Variants in RB1 observed in about 807,000 individuals in gnomAD.
The protein encoded by RB1 is RB transcriptional corepressor 1, also known as retinoblastoma-associated protein.
In RB1, 18 loss-of-function variants were observed where a neutral mutation model predicts 135.4. That is an observed-to-expected ratio of 0.13 (90% CI 0.09 to 0.20). The LOEUF is 0.20. Ranked by LOEUF, RB1 falls within the 10% of genes least tolerant of loss-of-function variation. RB1 has a pLI of 1.00. For synonymous variants in RB1, 365 were observed against 373.2 expected, an observed-to-expected ratio of 0.98 and a Z score of 0.25; for missense variants, 868 against 1,110.0, an observed-to-expected ratio of 0.78 and a Z score of 3.10.
intron 17 of RB1, among the ~76,000 whole-genome samples, chr13:48,402,327 A>G (rs921508686): frequency 6.6e-6 from 1 of 150,648 alleles, no homozygotes; most frequent in Non-Finnish European, 1.5e-5. Flanking sequence ...AATGAAGAAC[A>G]AATGGCCTGG....
intron 21 of RB1, among the ~76,000 whole-genome samples, chr13:48,464,580 C>T (rs1232727310): frequency 7.2e-5 from 11 of 152,188 alleles, no homozygotes; most frequent in African/African-American, 2.2e-4. Flanking sequence ...GGGGGGATAC[C>T]GGGAGGTACA....
In RB1 at chr13:48,345,133, A is replaced by G; in HGVS notation, c.434A>G (p.Asp145Gly). The G allele has an allele frequency of 6.2e-7, 1 of 1,612,986 alleles. No individual in the cohort carries two copies. Among genetic ancestry groups the G allele is most frequent in the Non-Finnish European group, 8.5e-7 (1 of 1,179,552 alleles). The change falls in exon 4 of 27, where the codon GAT (aspartate) becomes GGT (glycine). Residue 145 changes from aspartate (D) to glycine (G), a missense_variant. By Grantham distance (94) the Asp-to-Gly change is moderately conservative. Around this residue, in one of 3 missense-constraint regions of RB1, gnomAD observed 641 missense variants for 791.3 expected, o/e 0.81. Transcript: ENST00000267163. ...GAAATTGATACCAGTACCAAAGTTG[A>G]TAATGCTATGTCAAGACTGTTGAAG... is the stretch of plus-strand genomic sequence containing the variant. ...LKEIDTSTKV[D>G]NAMSRLLKKY... is the part of the protein sequence containing the mutation.
intron 6 of RB1, among the ~76,000 whole-genome samples, chr13:48,359,513 C>T (rs1019408962): frequency 2.0e-5 from 3 of 146,548 alleles, no homozygotes; most frequent in East Asian, 4.0e-4. Flanking sequence ...TTCTAATAAA[C>T]TTAGTAATTT....
intron 6 of RB1, among the ~76,000 whole-genome samples, chr13:48,356,184 T>C (rs756052290): frequency 1.1e-4 from 17 of 152,060 alleles, no homozygotes; most frequent in Non-Finnish European, 2.4e-4. Flanking sequence ...CGTAAATATA[T>C]GTACTATGTA....
chr13:48,402,911 TAA>T (rs1334860034), intron 17 of RB1, among the ~76,000 whole-genome samples: 1 of 152,152 alleles, frequency 6.6e-6, no homozygotes, highest in Non-Finnish European at 1.5e-5. Flanking sequence ...TTTTTAGTGC[TAA>T]GTCTTAAGTA....
intron 17 of RB1, among the ~76,000 whole-genome samples, chr13:48,417,644 G>A: frequency 6.6e-6 from 1 of 152,110 alleles, no homozygotes; most frequent in East Asian, 1.9e-4. Flanking sequence ...TTGAAAAAAG[G>A]TTAGAGGAAT....
At chr13:48,438,553 T>C (rs549276069) in intron 17 of RB1, among the ~76,000 whole-genome samples, 8 of 152,068 alleles carry the variant, frequency 5.3e-5, no homozygotes, top group Non-Finnish European at 8.8e-5. Flanking sequence ...TATTTACTTA[T>C]CTGTTTTTTT....
rs1375409287 is a variant in RB1 at position 48,459,975 on chromosome 13, C to T, written c.2106+142C>T. The stretch of plus-strand genomic sequence containing the variant: ...TTTTTCTTTCTTTCTTTCTCTCTTT[C>T]TTTCTTTTTTTTGAGATAGAGTCTC... On this transcript the variant is annotated intron_variant, in intron 20 of 26. Transcript: ENST00000267163. The T allele has an allele frequency of 5.0e-5, 14 of 280,140 alleles. 1 individual carries two copies. The highest frequency in any genetic ancestry group is 3.8e-4 in the African/African-American group (5 of 13,286). The allele number at this position is 280,140 out of a possible 1,614,324, so 17.4% of individuals were successfully genotyped here.
At chr13:48,404,517 A>G (rs893187280) in intron 17 of RB1, among the ~76,000 whole-genome samples, 23 of 152,020 alleles carry the variant, frequency 1.5e-4, no homozygotes, top group Admixed American at 1.5e-3. Flanking sequence ...AGCATGATGA[A>G]TGAATGTGGA....
intron 20 of RB1, 37 bp downstream of exon 20, chr13:48,459,870 A>G: frequency 6.6e-7 from 1 of 1,508,224 alleles, no homozygotes. Flanking sequence ...TCTCCTCCCT[A>G]CTTACTTGTT....
At position 48,380,237 on chromosome 13, in the gene RB1, T is replaced by C. The variant is rs768929728; in HGVS notation, c.1494T>C (p.Tyr498=). 3.8e-6 allele frequency: 6 copies of C among 1,590,214 alleles called. No homozygotes were observed. The East Asian group carries it at 6.7e-5, about 18-fold the overall frequency. Residue 498 remains tyrosine, a synonymous_variant, in exon 16 of 27, where the codon TAT becomes TAC. Coordinates refer to ENST00000267163, the MANE Select transcript of RB1 (RefSeq NM_000321.3). ...ACALEVVMAT[Y]SRSTSQNLDS... ...CTCTTGAGGTTGTAATGGCCACATA[T>C]AGCAGTAAGTTAAATTTTCATAAAT...
At chr13:48,451,530 A>G (rs2138325171) in intron 17 of RB1, among the ~76,000 whole-genome samples, 1 of 152,132 alleles carries the variant, frequency 6.6e-6, no homozygotes, top group Middle Eastern at 3.4e-3. Context: ...CCAGTATTTT[A>G]TTGTGGATTT....
Position 48,379,595 on chromosome 13 carries a change from G to A in RB1, c.1334G>A (p.Arg445Gln), listed in dbSNP as rs747509282. ...ATTTTTCTTTTTGTTTGTTTGTAGC[G>A]ATACAAACTTGGAGTTCGCTTGTAT... is the stretch of plus-strand genomic sequence containing the variant. ...GQGCVEIGSQRYKLGVRLYYR... is the reference protein window; with the variant it reads ...GQGCVEIGSQQYKLGVRLYYR... The change falls in exon 14 of 27, where the codon CGA becomes CAA. Residue 445 changes from arginine (R) to glutamine (Q), a missense_variant and splice_region_variant. This residue lies in a region of RB1 where 641 missense variants were observed against 791.3 expected (regional missense o/e 0.81). Transcript: ENST00000267163. The A allele has an allele frequency of 1.9e-6, 3 of 1,611,826 alleles. No individual in the cohort carries two copies. Among genetic ancestry groups the A allele is most frequent in the Non-Finnish European group, 2.5e-6 (3 of 1,179,408 alleles).
chr13:48,457,115 GGA>G (rs1324483985), intron 19 of RB1, among the ~76,000 whole-genome samples: 3 of 152,196 alleles, frequency 2.0e-5, no homozygotes, highest in Non-Finnish European at 4.4e-5. Flanking sequence ...ACAGACAAGT[GGA>G]GGGTGAGCAA....
chr13:48,363,400 T>TA lies in RB1; in HGVS notation c.861+450dup, dbSNP rs3834502. 3.3e-3 allele frequency among the ~76,000 whole-genome samples: 506 copies of TA among 151,920 alleles called. 7 individuals carry two copies. The highest frequency in any genetic ancestry group is 0.029 in the Admixed American group (446 of 15,250). Reference sequence around the variant, plus strand: ...ACTCTGTCTCTACAAAATACATATTTAAAAAAATGAACTGGGCATGGTGGC... The same window carrying TA: ...ACTCTGTCTCTACAAAATACATATTTAAAAAAAATGAACTGGGCATGGTGGC... On this transcript the variant is annotated intron_variant, in intron 8 of 26. Coordinates refer to ENST00000267163, the MANE Select transcript of RB1 (RefSeq NM_000321.3).
chr13:48,342,698 A>G lies in RB1; in HGVS notation c.364A>G (p.Lys122Glu), dbSNP rs1301539544. 1.2e-6 allele frequency: 2 copies of G among 1,600,748 alleles called. No homozygotes were observed. Among genetic ancestry groups the G allele is most frequent in the South Asian group, 1.1e-5 (1 of 90,774 alleles). Residue 122 changes from lysine (K) to glutamate (E), a missense_variant, in exon 3 of 27, where the codon AAA becomes GAA. Physicochemically the swap from Lys to Glu is moderately conservative, Grantham distance 56. Around this residue, in one of 3 missense-constraint regions of RB1, gnomAD observed 641 missense variants for 791.3 expected, o/e 0.81. Coordinates refer to ENST00000267163, the MANE Select transcript of RB1 (RefSeq NM_000321.3). ...EMSFTFTELQ[K>E]NIEISVHKFF... ...GTCGTTCACTTTTACTGAGCTACAG[A>G]AAAACATAGAAATCAGGTAAAGTTT...
chr13:48,320,077 C>T, intron 2 of RB1: 1 of 608,552 alleles, frequency 1.6e-6, no homozygotes, highest in Non-Finnish European at 2.9e-6. Context: ...TTAGGTACTC[C>T]CGGATGGCTT....
chr13:48,445,806 T>C (rs1949282747), intron 17 of RB1, among the ~76,000 whole-genome samples: 1 of 152,214 alleles, frequency 6.6e-6, no homozygotes, highest in Non-Finnish European at 1.5e-5. Flanking sequence ...AAGACCCAAG[T>C]CTGAAACGGT....
chr13:48,412,109 C>G, intron 17 of RB1: 1 of 1,613,370 alleles, frequency 6.2e-7, no homozygotes, highest in Non-Finnish European at 8.5e-7. Flanking sequence ...AGGTTAAGAA[C>G]AGAATGCTTC....
Sources: gnomAD v4.1 joint callset for allele counts (sites outside exome capture counted in the v4.1 genomes callset) on GRCh38, gnomAD v4.1.1 for gene constraint, gnomAD v4.1.1 regional missense constraint, MANE v1.5 for transcripts, NCBI Gene and HGNC (gene_info 2026-07-23, HGNC 2026-07-21) for gene names.